The following C18orf63 variants were observed in gnomAD, a reference collection of about 807,000 sequenced individuals.
C18orf63 encodes the protein uncharacterized protein C18orf63.
In C18orf63, 50 loss-of-function variants were observed where a neutral mutation model predicts 75.3. The ratio of observed to expected loss-of-function variants is 0.66; its 90% CI spans 0.53 to 0.84. The LOEUF (loss-of-function observed/expected upper bound fraction) is 0.84. Ranked by LOEUF, C18orf63 falls within the 40% of genes least tolerant of loss-of-function variation. The pLI is 0.00. For synonymous variants in C18orf63, 232 were observed against 267.6 expected (o/e 0.87, Z 1.30); for missense variants, 732 against 800.2 (o/e 0.91, Z 1.03).
In C18orf63 at chr18:74,317,834, G is replaced by A; in HGVS notation, c.-32G>A. On this transcript the variant is annotated splice_region_variant and 5_prime_UTR_variant, in exon 2 of 14. Coordinates refer to ENST00000579455, the MANE Select transcript of C18orf63 (RefSeq NM_001174123.2). ...CTTTTTTTGCTGTTTATTTTTAAAG[G>A]CCTGATTGCTGAGACACTCAGTCAG... 1 of 1,499,846 alleles carries A rather than the reference G, an allele frequency of 6.7e-7. No individual in the cohort carries two copies. The highest frequency in any genetic ancestry group is 8.9e-7 in the Non-Finnish European group (1 of 1,127,104). 92.9% of individuals were successfully genotyped at this position (1,499,846 alleles called of 1,614,324 possible).
rs1330146240 is a variant in C18orf63 at position 74,353,864 on chromosome 18, A to T, written c.1597A>T (p.Thr533Ser). ...TKFPSSRGKS[T>S]VSLNKNKQLS... Reference sequence around the variant, plus strand: ...ATTTCCCTCTTCTCGTGGAAAATCGACTGTGAGTTTAAACAAAAATAAGCA... The same window carrying T: ...ATTTCCCTCTTCTCGTGGAAAATCGTCTGTGAGTTTAAACAAAAATAAGCA... The change falls in exon 12 of 14, where the codon ACT becomes TCT. Residue 533 changes from threonine to serine, a missense_variant. By Grantham distance (58) the Thr-to-Ser change is moderately conservative (BLOSUM62 1). This residue lies in a region of C18orf63 where 495 missense variants were observed against 508.7 expected (regional missense o/e 0.97). Transcript: ENST00000579455. 1 of 1,535,936 alleles carries T rather than the reference A, an allele frequency of 6.5e-7. No individual in the cohort carries two copies. The highest frequency in any genetic ancestry group is 1.4e-5 in the African/African-American group (1 of 73,032).
intron 11 of C18orf63, among the ~76,000 whole-genome samples, chr18:74,346,297 C>T (rs1984574109): frequency 1.3e-5 from 2 of 152,026 alleles, no homozygotes; most frequent in African/African-American, 4.8e-5. Context: ...TCTAATCTCC[C>T]AACATGATGT....
In C18orf63 at chr18:74,353,433, C is replaced by T; in HGVS notation, c.1166C>T (p.Pro389Leu). 6.5e-7 allele frequency: 1 copy of T among 1,536,364 alleles called. No individual in the cohort carries two copies. Among genetic ancestry groups the T allele is most frequent in the Non-Finnish European group, 8.7e-7 (1 of 1,146,952 alleles). ...SGIFSALHLQ[P>L]ESVQGRKKSL... is the part of the protein sequence containing the mutation. Reference sequence around the variant, plus strand: ...ATTTTCTCAGCTTTGCATCTCCAGCCAGAGTCTGTTCAGGGTAGAAAGAAA... The same window carrying T: ...ATTTTCTCAGCTTTGCATCTCCAGCTAGAGTCTGTTCAGGGTAGAAAGAAA... The change falls in exon 12 of 14, where the codon CCA becomes CTA. Residue 389 changes from proline to leucine, a missense_variant. This residue lies in a region of C18orf63 where 495 missense variants were observed against 508.7 expected (regional missense o/e 0.97). Coordinates refer to ENST00000579455, the MANE Select transcript of C18orf63 (RefSeq NM_001174123.2).
intron 8 of C18orf63, among the ~76,000 whole-genome samples, chr18:74,341,119 C>T (rs1984475095): frequency 6.6e-6 from 1 of 151,126 alleles, no homozygotes; most frequent in Non-Finnish European, 1.5e-5. Flanking sequence ...AAAAAATTAG[C>T]CGGGCGTAGT....
chr18:74,337,787 C>T (rs1205873329), intron 7 of C18orf63, among the ~76,000 whole-genome samples: 1 of 152,076 alleles, frequency 6.6e-6, no homozygotes, highest in African/African-American at 2.4e-5. Context: ...TTCCCTGCTC[C>T]TCCATTTCCA....
intron 4 of C18orf63, among the ~76,000 whole-genome samples, chr18:74,323,890 T>C (rs1599000878): frequency 6.6e-6 from 1 of 152,156 alleles, no homozygotes; most frequent in East Asian, 1.9e-4. Context: ...ACACATTAAG[T>C]GAATTGGCAT....
In C18orf63 at chr18:74,343,552, G is replaced by A. The variant is rs1307370906; in HGVS notation, c.828G>A (p.Met276Ile). Residue 276 changes from methionine (M) to isoleucine (I), a missense_variant, in exon 11 of 14, where the codon ATG becomes ATA. Met to Ile is a conservative substitution (Grantham distance 10, BLOSUM62 1). Transcript: ENST00000579455. Reference protein sequence around the residue: ...YPLSCIRSQPMQFFPRVDSEV... With the variant: ...YPLSCIRSQPIQFFPRVDSEV... The stretch of plus-strand genomic sequence containing the variant: ...TCAGTTGCATCAGAAGTCAGCCCAT[G>A]CAGTTCTTTCCAAGGGTAGATTCGG... 6.5e-7 allele frequency: 1 copy of A among 1,533,934 alleles called. No individual in the cohort carries two copies. Among genetic ancestry groups the A allele is most frequent in the South Asian group, 1.2e-5 (1 of 83,606 alleles).
Position 74,324,233 on chromosome 18 carries a change from G to A in C18orf63, c.270+1479G>A, listed in dbSNP as rs549562905. 6.7e-3 allele frequency among the ~76,000 whole-genome samples: 1,025 copies of A among 152,210 alleles called. 6 individuals carry two copies. The highest frequency in any genetic ancestry group is 8.8e-3 in the Non-Finnish European group (598 of 68,004). ...GTAGGAGGTGCTCCTTACAATTTTC[G>A]CTTTGCAAACATTTATTCCTTGATT... is the stretch of plus-strand genomic sequence containing the variant. On this transcript the variant is annotated intron_variant, in intron 4 of 13. Coordinates refer to ENST00000579455, the MANE Select transcript of C18orf63 (RefSeq NM_001174123.2).
At chr18:74,342,430 T>A in intron 10 of C18orf63, 104 bp downstream of exon 10, 1 of 675,172 alleles carries the variant, frequency 1.5e-6, no homozygotes. Context: ...TCTCTGTGTC[T>A]AACTGAAACT....
At chr18:74,318,491 T>C (rs2145112821) in intron 2 of C18orf63, among the ~76,000 whole-genome samples, 1 of 152,170 alleles carries the variant, frequency 6.6e-6, no homozygotes, top group South Asian at 2.1e-4. Flanking sequence ...ACATAGTCGT[T>C]GAAAAACAGC....
chr18:74,356,681 A>G lies in C18orf63; in HGVS notation c.*234A>G, dbSNP rs545730573. The G allele has an allele frequency of 2.1e-5, 3 of 140,818 alleles. 1 individual carries two copies. The highest frequency in any genetic ancestry group is 7.7e-5 in the African/African-American group (3 of 39,072). 8.7% of individuals were successfully genotyped at this position (140,818 alleles called of 1,614,324 possible). On this transcript the variant is annotated 3_prime_UTR_variant, in exon 14 of 14. Coordinates refer to ENST00000579455, the MANE Select transcript of C18orf63 (RefSeq NM_001174123.2). The stretch of plus-strand genomic sequence containing the variant: ...TTGATAGACACTTCAGTTCTTCCCA[A>G]CTTTTCACTATTACAACATCATGTA...
intron 11 of C18orf63, among the ~76,000 whole-genome samples, chr18:74,347,807 T>C (rs1164763079): frequency 1.3e-5 from 2 of 152,218 alleles, no homozygotes; most frequent in African/African-American, 2.4e-5. Context: ...TTTTAACATA[T>C]AGAAAATGTC....
chr18:74,353,302 G>T lies in C18orf63; in HGVS notation c.1035G>T (p.Leu345=). Residue 345 remains leucine (L), a synonymous_variant, in exon 12 of 14, where the codon CTG becomes CTT. Coordinates refer to ENST00000579455, the MANE Select transcript of C18orf63 (RefSeq NM_001174123.2). ...CTAAAAAAATGCTTAGGGCATCTCT[G>T]ACTCAAGCCACTTCCAGAAAGCCTG... The part of the protein sequence containing the change: ...LTTKKMLRAS[L]TQATSRKPAC... The T allele has an allele frequency of 6.5e-7, 1 of 1,536,290 alleles. No individual in the cohort carries two copies. Among genetic ancestry groups the T allele is most frequent in the Non-Finnish European group, 8.7e-7 (1 of 1,146,940 alleles).
At chr18:74,334,889 T>C (rs1012109828) in intron 7 of C18orf63, among the ~76,000 whole-genome samples, 2 of 152,166 alleles carry the variant, frequency 1.3e-5, no homozygotes, top group Non-Finnish European at 2.9e-5. Context: ...AGACTATGAA[T>C]TGTTTCTCAA....
At chr18:74,322,940 GC>G (rs1984149141) in intron 4 of C18orf63, among the ~76,000 whole-genome samples, 186 bp downstream of exon 4, 1 of 152,028 alleles carries the variant, frequency 6.6e-6, no homozygotes, top group Admixed American at 6.6e-5. Flanking sequence ...AGGAGAAGAG[GC>G]TTTTTTGTTG....
Position 74,354,441 on chromosome 18 carries a change from C to T in C18orf63, c.2002-16C>T. 7.1e-7 allele frequency: 1 copy of T among 1,414,918 alleles called. No homozygotes were observed. The highest frequency in any genetic ancestry group is 9.6e-7 in the Non-Finnish European group (1 of 1,045,360). The allele number at this position is 1,414,918 out of a possible 1,614,324, so 87.6% of individuals were successfully genotyped here. A position where few individuals can be genotyped will look rare whatever the true frequency, so the allele number is the denominator to read the frequency against. On this transcript the variant is annotated splice_polypyrimidine_tract_variant and intron_variant, in intron 12 of 13. Transcript: ENST00000579455. ...CAGTTAATTTGTAACAAATGTGATTCTTCAATCTAATACAGATACTTGACT... is the reference window on the plus strand; with the variant it reads ...CAGTTAATTTGTAACAAATGTGATTTTTCAATCTAATACAGATACTTGACT...
chr18:74,328,958 GT>G, intron 5 of C18orf63, 36 bp from the exon 6 acceptor site: 2 of 1,144,148 alleles, frequency 1.7e-6, no homozygotes, highest in Non-Finnish European at 1.3e-6. Context: ...TTATTTATGA[GT>G]TGTAATAACA....
At chr18:74,317,810 T>C (rs1183196618) in intron 1 of C18orf63, 24 bp from the exon 2 acceptor site, 2 of 1,407,056 alleles carry the variant, frequency 1.4e-6, no homozygotes, top group Non-Finnish European at 9.4e-7. Context: ...ATTTACTACC[T>C]TTTTTTGCTG....
chr18:74,322,339 G>C (rs941604024), intron 3 of C18orf63, among the ~76,000 whole-genome samples: 5 of 152,014 alleles, frequency 3.3e-5, no homozygotes, highest in African/African-American at 1.2e-4. Flanking sequence ...TAATAAGTTG[G>C]AGCACTTAGG....
Sources: allele counts gnomAD v4.1 joint callset (sites outside exome capture counted in the v4.1 genomes callset), GRCh38; gene constraint gnomAD v4.1.1; regional missense constraint gnomAD v4.1.1; transcripts MANE v1.5; gene names NCBI Gene and HGNC (gene_info 2026-07-23, HGNC 2026-07-21).